The following RANBP2 variants were observed in gnomAD, a reference collection of about 807,000 sequenced individuals.
RANBP2 encodes RAN binding protein 2, also known as E3 SUMO-protein ligase RanBP2.
RANBP2 carries 57 observed loss-of-function variants against 303.6 expected under a neutral mutation model. The ratio of observed to expected loss-of-function variants is 0.19; its 90% confidence interval spans 0.15 to 0.23. The LOEUF is 0.23. Ranked by LOEUF, RANBP2 falls within the 10% of genes least tolerant of loss-of-function variation. The pLI, the probability that RANBP2 is intolerant of heterozygous loss-of-function variation, is 1.00. For synonymous variants in RANBP2, 1,167 were observed against 1,301.5 expected (o/e 0.90, Z 2.23); for missense variants, 3,138 against 3,780.8 (o/e 0.83, Z 4.46).
the RANBP2 span, among the ~76,000 whole-genome samples, chr2:109,298,265 C>T: frequency 3.3e-5 from 5 of 151,976 alleles, no homozygotes; most frequent in Non-Finnish European, 5.9e-5. Flanking sequence ...GCTATGTCCC[C>T]GAGGAGCAGA....
chr2:109,361,797 TG>T, the RANBP2 span, among the ~76,000 whole-genome samples: 2 of 152,214 alleles, frequency 1.3e-5, no homozygotes, highest in African/African-American at 4.8e-5. Context: ...TCTTCTTGTA[TG>T]AGTTTTAGCA....
chr2:109,341,712 A>C, the RANBP2 span, among the ~76,000 whole-genome samples: 1 of 152,032 alleles, frequency 6.6e-6, no homozygotes, highest in African/African-American at 2.4e-5. Flanking sequence ...AAACTGGCCC[A>C]CCCTACTGTG....
chr2:108,870,443 A>G, the RANBP2 span, among the ~76,000 whole-genome samples: 1 of 152,222 alleles, frequency 6.6e-6, no homozygotes, highest in African/African-American at 2.4e-5. Flanking sequence ...AAGATAATTT[A>G]GAGAAATAAT....
chr2:109,484,586 A>G, the RANBP2 span, among the ~76,000 whole-genome samples: 1 of 152,132 alleles, frequency 6.6e-6, no homozygotes, highest in Non-Finnish European at 1.5e-5. Flanking sequence ...CAGCTAATCA[A>G]CAGCAAAGCT....
At chr2:108,777,346 A>G in intron 25 of RANBP2, 115 bp downstream of exon 25, 1 of 715,206 alleles carries the variant, frequency 1.4e-6, no homozygotes, top group South Asian at 1.7e-5. Flanking sequence ...CTTACCCCCC[A>G]GTTTGTTTTA....
the RANBP2 span, among the ~76,000 whole-genome samples, chr2:109,400,209 C>T: frequency 6.6e-6 from 1 of 152,196 alleles, no homozygotes; most frequent in Non-Finnish European, 1.5e-5. Flanking sequence ...CCCCTACACA[C>T]ACTTGCACAC....
chr2:108,946,099 C>T, the RANBP2 span, among the ~76,000 whole-genome samples: 1 of 152,174 alleles, frequency 6.6e-6, no homozygotes. Context: ...CTGGTGACTC[C>T]AAGGACACAC....
chr2:109,422,275 G>A, the RANBP2 span, among the ~76,000 whole-genome samples: 1 of 152,176 alleles, frequency 6.6e-6, no homozygotes, highest in Non-Finnish European at 1.5e-5. Context: ...CCCAGATGGG[G>A]CTGATGTGAA....
the RANBP2 span, among the ~76,000 whole-genome samples, chr2:109,235,474 C>G: frequency 6.6e-6 from 1 of 152,330 alleles, no homozygotes; most frequent in African/African-American, 2.4e-5. Context: ...CCTATTAACC[C>G]TCATGCCAGG....
chr2:109,532,223 C>T, the RANBP2 span, among the ~76,000 whole-genome samples: 1 of 152,246 alleles, frequency 6.6e-6, no homozygotes, highest in African/African-American at 2.4e-5. Flanking sequence ...GCAGAAGCAT[C>T]CCCTGCAAGG....
At chr2:109,173,261 A>G in the RANBP2 span, among the ~76,000 whole-genome samples, 1 of 152,182 alleles carries the variant, frequency 6.6e-6, no homozygotes, top group Non-Finnish European at 1.5e-5. Context: ...TGTCTGGCTC[A>G]GAACCTGGGA....
chr2:109,501,114 G>C, the RANBP2 span, among the ~76,000 whole-genome samples: 2 of 152,128 alleles, frequency 1.3e-5, no homozygotes, highest in African/African-American at 2.4e-5. Flanking sequence ...ACTGGGATGG[G>C]GCAAATGGGG....
the RANBP2 span, among the ~76,000 whole-genome samples, chr2:109,100,638 T>C: frequency 0.043 from 6,538 of 151,902 alleles, 206 homozygotes; most frequent in Non-Finnish European, 0.067. Flanking sequence ...CAATCTGAAG[T>C]AGGAATGGAT....
the RANBP2 span, among the ~76,000 whole-genome samples, chr2:109,299,313 T>C: frequency 6.6e-6 from 1 of 152,232 alleles, no homozygotes; most frequent in African/African-American, 2.4e-5. Flanking sequence ...GATGAAAATT[T>C]GAAGCTTGCA....
the RANBP2 span, among the ~76,000 whole-genome samples, chr2:109,175,046 C>T: frequency 3.9e-5 from 6 of 152,120 alleles, no homozygotes; most frequent in African/African-American, 7.2e-5. Context: ...TTATTTGAGT[C>T]GCACAGCAAA....
chr2:109,412,403 T>A, the RANBP2 span, among the ~76,000 whole-genome samples: 1 of 152,260 alleles, frequency 6.6e-6, no homozygotes, highest in African/African-American at 2.4e-5. Context: ...GCTTGTGCTA[T>A]GCTGGTTTGG....
the RANBP2 span, among the ~76,000 whole-genome samples, chr2:109,535,852 A>G: frequency 2.0e-5 from 3 of 152,222 alleles, no homozygotes; most frequent in African/African-American, 7.2e-5. Context: ...CCAAGAGCCA[A>G]GGACGCAATT....
chr2:109,014,360 T>C, the RANBP2 span, among the ~76,000 whole-genome samples: 1 of 152,226 alleles, frequency 6.6e-6, no homozygotes, highest in African/African-American at 2.4e-5. Context: ...GCCTGTTCTC[T>C]TGGAGCAGGA....
At chr2:108,891,702 G>A in the RANBP2 span, among the ~76,000 whole-genome samples, 1 of 152,160 alleles carries the variant, frequency 6.6e-6, no homozygotes, top group Admixed American at 6.5e-5. Flanking sequence ...GTGTGTAGGT[G>A]GGTTTTTGGG....
Sources: allele counts gnomAD v4.1 joint callset (sites outside exome capture counted in the v4.1 genomes callset), GRCh38; gene constraint gnomAD v4.1.1; transcripts MANE v1.5; gene names NCBI Gene and HGNC (gene_info 2026-07-23, HGNC 2026-07-21).